FAM110B: variants seen among roughly 807,000 people sequenced by gnomAD.
FAM110B encodes the protein family with sequence similarity 110 member B.
FAM110B carries 6 observed loss-of-function variants against 20.4 expected under a neutral mutation model. That is an observed-to-expected ratio of 0.29 (90% CI 0.16 to 0.58). The LOEUF is 0.58. FAM110B is among the 20% of genes least tolerant of loss of function. The pLI, the probability that FAM110B is intolerant of heterozygous loss-of-function variation, is 0.90. For synonymous variants in FAM110B, 226 were observed against 214.1 expected (o/e 1.06, Z -0.49); for missense variants, 434 against 498.2 (o/e 0.87, Z 1.23).
intron 3 of FAM110B, among the ~76,000 whole-genome samples, chr8:58,077,796 C>T (rs1806074797): frequency 6.6e-6 from 1 of 152,140 alleles, no homozygotes; most frequent in South Asian, 2.1e-4. Flanking sequence ...CTATTATTTA[C>T]CTAGATCAGG....
intron 2 of FAM110B, among the ~76,000 whole-genome samples, chr8:58,063,165 A>G (rs1805690727): frequency 6.6e-6 from 1 of 152,190 alleles, no homozygotes; most frequent in Admixed American, 6.5e-5. Context: ...GGGCATAAGA[A>G]TCTCTTAAGA....
At chr8:57,999,940 A>G (rs1423766092) in intron 1 of FAM110B, among the ~76,000 whole-genome samples, 1 of 152,196 alleles carries the variant, frequency 6.6e-6, no homozygotes, top group East Asian at 1.9e-4. Flanking sequence ...GAGTGTCTAC[A>G]AAAGGGTTTG....
chr8:58,061,663 C>T (rs1328121765), intron 2 of FAM110B, among the ~76,000 whole-genome samples: 14 of 152,178 alleles, frequency 9.2e-5, no homozygotes. Context: ...AATTAATGTC[C>T]TTCACACCAC....
chr8:58,113,395 T>G (rs2150621074), intron 3 of FAM110B: 1 of 210,700 alleles, frequency 4.7e-6, no homozygotes, highest in South Asian at 8.8e-5. Flanking sequence ...GACACATTTC[T>G]TCCTGTAAAC....
chr8:58,144,177 C>A (rs1803803271), intron 3 of FAM110B, among the ~76,000 whole-genome samples: 1 of 152,152 alleles, frequency 6.6e-6, no homozygotes. Context: ...ACTGTGCCCC[C>A]AAACTTTCTG....
At chr8:58,134,059 G>A (rs1056579668) in intron 3 of FAM110B, among the ~76,000 whole-genome samples, 7 of 151,934 alleles carry the variant, frequency 4.6e-5, no homozygotes, top group Non-Finnish European at 7.4e-5. Context: ...GGTGTCTATC[G>A]TCTTACGTGT....
intron 2 of FAM110B, among the ~76,000 whole-genome samples, chr8:58,042,411 C>CTTT (rs756984391): frequency 1.3e-5 from 2 of 152,150 alleles, no homozygotes; most frequent in Non-Finnish European, 2.9e-5. Context: ...CTTTTGGCTG[C>CTTT]TTTTTGCAGA....
intron 2 of FAM110B, among the ~76,000 whole-genome samples, chr8:58,073,155 T>C (rs1300476942): frequency 6.6e-6 from 1 of 152,224 alleles, no homozygotes; most frequent in African/African-American, 2.4e-5. Context: ...CACTTAACCA[T>C]ATGCTAAGCT....
At chr8:58,109,835 A>G (rs528866086) in intron 3 of FAM110B, among the ~76,000 whole-genome samples, 1 of 152,360 alleles carries the variant, frequency 6.6e-6, no homozygotes, top group Non-Finnish European at 1.5e-5. Context: ...CTGCCTTCCC[A>G]TCATTAACCT....
chr8:58,127,315 G>C (rs1807532358), intron 3 of FAM110B, among the ~76,000 whole-genome samples: 1 of 152,196 alleles, frequency 6.6e-6, no homozygotes, highest in African/African-American at 2.4e-5. Flanking sequence ...ATAATGTCTT[G>C]AAATTGAGTA....
intron 3 of FAM110B, among the ~76,000 whole-genome samples, chr8:58,091,086 A>G (rs1358302247): frequency 3.3e-5 from 5 of 152,174 alleles, no homozygotes; most frequent in Non-Finnish European, 5.9e-5. Flanking sequence ...CCCTTCTACT[A>G]AAGCATGCTC....
intron 2 of FAM110B, among the ~76,000 whole-genome samples, chr8:58,037,693 T>C (rs907536463): frequency 5.9e-5 from 9 of 152,158 alleles, no homozygotes; most frequent in African/African-American, 2.2e-4. Context: ...GATGATGAAA[T>C]TCTTTTTTCA....
At chr8:58,023,957 G>A (rs76997939) in intron 1 of FAM110B, among the ~76,000 whole-genome samples, 80 of 152,134 alleles carry the variant, frequency 5.3e-4, no homozygotes, top group African/African-American at 1.8e-3. Context: ...TCTTTAATTT[G>A]CAACCAAGTA....
chr8:58,108,106 T>A (rs1806965471), intron 3 of FAM110B, among the ~76,000 whole-genome samples: 1 of 152,192 alleles, frequency 6.6e-6, no homozygotes, highest in Non-Finnish European at 1.5e-5. Flanking sequence ...ATGTAATGTA[T>A]TTTATCCTTC....
intron 2 of FAM110B, among the ~76,000 whole-genome samples, chr8:58,048,496 C>G (rs6991555): frequency 0.073 from 11,129 of 152,188 alleles, 505 homozygotes; most frequent in African/African-American, 0.11. Flanking sequence ...TCTGCCCCTT[C>G]CTTCCCCCTG....
At chr8:57,995,384 G>T (rs1370741263) in intron 1 of FAM110B, among the ~76,000 whole-genome samples, 1 of 152,188 alleles carries the variant, frequency 6.6e-6, no homozygotes, top group Non-Finnish European at 1.5e-5. Flanking sequence ...TTTGTTTTTG[G>T]TTACCCCCTC....
chr8:58,012,539 G>A (rs1804559278), intron 1 of FAM110B, among the ~76,000 whole-genome samples: 1 of 151,892 alleles, frequency 6.6e-6, no homozygotes, highest in East Asian at 1.9e-4. Context: ...AGTCCTAGGG[G>A]AAAAAAAATT....
At chr8:58,090,850 C>T (rs939495286) in intron 3 of FAM110B, among the ~76,000 whole-genome samples, 8 of 152,098 alleles carry the variant, frequency 5.3e-5, no homozygotes, top group African/African-American at 1.7e-4. Flanking sequence ...AAAGCAAAAA[C>T]CATAAACTTA....
At chr8:58,036,937 A>G (rs1805085957) in intron 2 of FAM110B, among the ~76,000 whole-genome samples, 1 of 152,228 alleles carries the variant, frequency 6.6e-6, no homozygotes, top group Non-Finnish European at 1.5e-5. Flanking sequence ...ATTTGGTAAT[A>G]TAAACTTAGA....
Sources: gnomAD v4.1 joint callset for allele counts (sites outside exome capture counted in the v4.1 genomes callset) on GRCh38, gnomAD v4.1.1 for gene constraint, MANE v1.5 for transcripts, NCBI Gene and HGNC (gene_info 2026-07-23, HGNC 2026-07-21) for gene names.